The following MAP2K5 variants were observed in gnomAD, a reference collection of about 807,000 sequenced individuals.
MAP2K5 encodes the protein mitogen-activated protein kinase kinase 5.
In MAP2K5, 49 loss-of-function variants were observed where a neutral mutation model predicts 83.1. The observed-to-expected ratio is 0.59, with a 90% CI of 0.47 to 0.75. The LOEUF (loss-of-function observed/expected upper bound fraction) is 0.75. MAP2K5 is among the 30% of genes least tolerant of loss of function. The pLI, the probability that MAP2K5 is intolerant of heterozygous loss-of-function variation, is 0.00. For missense variants in MAP2K5, 457 were observed against 557.5 expected, an observed-to-expected ratio of 0.82 and a Z score of 1.82; for synonymous variants, 202 against 191.8, an observed-to-expected ratio of 1.05 and a Z score of -0.44.
rs1277604528 is a variant in MAP2K5 at position 67,778,418 on chromosome 15, A to G, written c.1242+5666A>G. On this transcript the variant is annotated intron_variant, in intron 21 of 21. Coordinates refer to ENST00000178640, the MANE Select transcript of MAP2K5 (RefSeq NM_145160.3). This position sits in a 1 kb window ranked among gnomAD's most constrained non-coding sequence, Gnocchi z 5.0. ...GCTTCACACCAAATGGCTTTGTTTC[A>G]TTGTTAGACCCAAATCTTCTGATCA... 6.6e-6 allele frequency among the ~76,000 whole-genome samples: 1 copy of G among 152,176 alleles called. No homozygotes were observed. Among genetic ancestry groups the G allele is most frequent in the Non-Finnish European group, 1.5e-5 (1 of 68,030 alleles).
chr15:67,798,934 G>C (rs1489827376), intron 21 of MAP2K5, among the ~76,000 whole-genome samples: 1 of 152,194 alleles, frequency 6.6e-6, no homozygotes. Context: ...ACTTTGGGAG[G>C]CCAAAGCAGG....
intron 13 of MAP2K5, among the ~76,000 whole-genome samples, chr15:67,683,841 CA>C (rs2087883059): frequency 6.6e-6 from 1 of 152,124 alleles, no homozygotes; most frequent in Non-Finnish European, 1.5e-5. Context: ...TGCCCTCCAC[CA>C]AAAATAATTA....
intron 21 of MAP2K5, among the ~76,000 whole-genome samples, chr15:67,788,355 G>C (rs548899408): frequency 2.0e-4 from 30 of 152,238 alleles, no homozygotes; most frequent in Admixed American, 5.9e-4. Flanking sequence ...TCACTGCTGG[G>C]TTATACAGGC....
chr15:67,584,141 G>A (rs570525436), intron 4 of MAP2K5, among the ~76,000 whole-genome samples: 17 of 152,250 alleles, frequency 1.1e-4, no homozygotes, highest in African/African-American at 3.9e-4. Context: ...CCTCTACATT[G>A]TTAAAAGATA....
intron 1 of MAP2K5, among the ~76,000 whole-genome samples, chr15:67,547,444 T>C (rs1253166449): frequency 6.9e-6 from 1 of 145,032 alleles, no homozygotes. Flanking sequence ...TAAACTTCGG[T>C]TTTCTTTTTT....
chr15:67,637,012 T>C lies in MAP2K5; in HGVS notation c.585+6085T>C, dbSNP rs1354223789. On this transcript the variant is annotated intron_variant, in intron 9 of 21. Transcript: ENST00000178640. This position sits in a 1 kb window ranked among gnomAD's most constrained non-coding sequence, Gnocchi z 4.5. The stretch of plus-strand genomic sequence containing the variant: ...TCCCGCCTTCATCTTTCTTCCATGC[T>C]GGATGCTTCCTGACCTTGAACATCA... Among the ~76,000 whole-genome samples, 17 of 152,206 alleles carry C rather than the reference T, an allele frequency of 1.1e-4. No homozygotes were observed.
intron 2 of MAP2K5, among the ~76,000 whole-genome samples, chr15:67,556,258 T>C (rs2084622682): frequency 6.6e-6 from 1 of 152,216 alleles, no homozygotes; most frequent in Admixed American, 6.5e-5. Flanking sequence ...TTTGTTCTGG[T>C]CTTCTTATTC....
chr15:67,588,760 C>G (rs935023389), intron 6 of MAP2K5, among the ~76,000 whole-genome samples: 1 of 152,174 alleles, frequency 6.6e-6, no homozygotes, highest in African/African-American at 2.4e-5. Context: ...CAGTGTCTCT[C>G]TTCAGGTGTT....
intron 1 of MAP2K5, among the ~76,000 whole-genome samples, chr15:67,548,107 G>A (rs1357115426): frequency 6.6e-6 from 1 of 152,212 alleles, no homozygotes; most frequent in Non-Finnish European, 1.5e-5. Context: ...TTGCCACTGA[G>A]CAGGTTTTCA....
chr15:67,598,004 A>G (rs1249067068), intron 7 of MAP2K5, among the ~76,000 whole-genome samples: 3 of 152,166 alleles, frequency 2.0e-5, no homozygotes, highest in Non-Finnish European at 4.4e-5. Flanking sequence ...CAGGAGTTCG[A>G]GACCAGCCCG....
intron 17 of MAP2K5, among the ~76,000 whole-genome samples, chr15:67,734,042 A>T (rs1395294173): frequency 2.0e-5 from 3 of 152,176 alleles, no homozygotes; most frequent in Non-Finnish European, 2.9e-5. Context: ...TTGATTTGGG[A>T]GCTTTGCCTT....
At chr15:67,612,997 TAAA>T (rs879886910) in intron 8 of MAP2K5, among the ~76,000 whole-genome samples, 1 of 151,384 alleles carries the variant, frequency 6.6e-6, no homozygotes, top group Non-Finnish European at 1.5e-5. Context: ...AGCTGATAGT[TAAA>T]AGAGGAGTTA....
chr15:67,560,141 T>C (rs2084704766), intron 2 of MAP2K5, among the ~76,000 whole-genome samples: 1 of 152,220 alleles, frequency 6.6e-6, no homozygotes, highest in Non-Finnish European at 1.5e-5. Context: ...TATTTCTGCT[T>C]TCTTACCCTT....
intron 3 of MAP2K5, among the ~76,000 whole-genome samples, chr15:67,580,531 TTTACTC>T (rs71142382): frequency 0.23 from 34,442 of 151,976 alleles, 4,846 homozygotes; most frequent in East Asian, 0.5. Flanking sequence ...AATCAACACT[TTTACTC>T]TTAAAGATAA....
At chr15:67,554,725 C>T (rs1359107803) in intron 2 of MAP2K5, among the ~76,000 whole-genome samples, 8 of 152,066 alleles carry the variant, frequency 5.3e-5, no homozygotes, top group Admixed American at 4.6e-4. Context: ...GTGATAGGTA[C>T]GATGTTTTAT....
At chr15:67,546,699 G>A in intron 1 of MAP2K5, 1 of 727,496 alleles carries the variant, frequency 1.4e-6, no homozygotes, top group Non-Finnish European at 1.7e-6. Context: ...TGTGTGATGA[G>A]AGAGAATGCC....
intron 3 of MAP2K5, among the ~76,000 whole-genome samples, chr15:67,574,177 G>T (rs1006848557): frequency 6.6e-6 from 1 of 152,194 alleles, no homozygotes; most frequent in East Asian, 1.9e-4. Context: ...TTTATGAAGC[G>T]TGGAAGCCAC....
At position 67,760,726 on chromosome 15, in the gene MAP2K5, C is replaced by T. The variant is rs746530838; in HGVS notation, c.1135-8876C>T. On this transcript the variant is annotated intron_variant, in intron 19 of 21. Coordinates refer to ENST00000178640, the MANE Select transcript of MAP2K5 (RefSeq NM_145160.3). This position sits in a 1 kb window ranked among gnomAD's most constrained non-coding sequence, Gnocchi z 4.1. ...CTTGGTGGTGGAGGCCTGTGAATAG[C>T]GGTCTGTGAATGGGCAGTTGCCTGG... is the stretch of plus-strand genomic sequence containing the variant. 3.9e-5 allele frequency among the ~76,000 whole-genome samples: 6 copies of T among 151,992 alleles called. No individual in the cohort carries two copies. The highest frequency in any genetic ancestry group is 1.5e-4 in the African/African-American group (6 of 41,358).
chr15:67,554,325 T>C (rs1243540546), intron 2 of MAP2K5, among the ~76,000 whole-genome samples: 1 of 152,148 alleles, frequency 6.6e-6, no homozygotes, highest in African/African-American at 2.4e-5. Flanking sequence ...TCTCAAAGTG[T>C]TGGGATTACA....
Sources: gnomAD v4.1 joint callset for allele counts (sites outside exome capture counted in the v4.1 genomes callset) on GRCh38, gnomAD v4.1.1 for gene constraint, Gnocchi (gnomAD v3.1) non-coding constraint, MANE v1.5 for transcripts, NCBI Gene and HGNC (gene_info 2026-07-23, HGNC 2026-07-21) for gene names.